The following FOXJ3 variants were observed in gnomAD, a reference collection of about 807,000 sequenced individuals.
FOXJ3 encodes the protein forkhead box protein J3.
FOXJ3 carries 22 observed loss-of-function variants against 76.1 expected under a neutral mutation model. That is an observed-to-expected ratio of 0.29 (90% CI 0.21 to 0.41). The LOEUF (loss-of-function observed/expected upper bound fraction) is 0.41, where lower values mean the gene tolerates loss of function less well. FOXJ3 is among the 10% of genes least tolerant of loss of function. The pLI, the probability that FOXJ3 is intolerant of heterozygous loss-of-function variation, is 1.00. For synonymous variants in FOXJ3, 269 were observed against 261.2 expected, an observed-to-expected ratio of 1.03 and a Z score of -0.29; for missense variants, 613 against 762.1, an observed-to-expected ratio of 0.80 and a Z score of 2.30.
In FOXJ3 at chr1:42,231,944, C is replaced by G. The variant is rs564961142; in HGVS notation, c.445-3978G>C. Among the ~76,000 whole-genome samples the G allele has an allele frequency of 4.1e-3, 629 of 152,252 alleles. 3 individuals carry two copies. The highest frequency in any genetic ancestry group is 0.014 in the African/African-American group (586 of 41,546). On this transcript the variant is annotated intron_variant, in intron 4 of 12. Transcript: ENST00000361346. ...GGTATATCTCCTAATGCTATCCTTC[C>G]CCCCTACCCCCACCCCACAACAGGC...
chr1:42,222,498 G>C lies in FOXJ3; in HGVS notation c.528+5385C>G, dbSNP rs186031701. Among the ~76,000 whole-genome samples the C allele has an allele frequency of 9.8e-5, 15 of 152,290 alleles. No individual in the cohort carries two copies. In the East Asian group the frequency reaches 2.9e-3, roughly 29 times the overall value. On this transcript the variant is annotated intron_variant, in intron 5 of 12. Coordinates refer to ENST00000361346, the MANE Select transcript of FOXJ3 (RefSeq NM_014947.5). ...CCTTATCAGTTTATCTTCCCTGCTT[G>C]AGTGAGGAGAGGGTATGACTGTCTT...
chr1:42,262,715 G>T (rs61014227), intron 4 of FOXJ3, among the ~76,000 whole-genome samples: 37 of 152,210 alleles, frequency 2.4e-4, no homozygotes, highest in South Asian at 8.3e-4. Context: ...CAGGCATGAT[G>T]ATGTACACCG....
intron 11 of FOXJ3, among the ~76,000 whole-genome samples, chr1:42,184,051 C>T (rs1018266887): frequency 6.6e-6 from 1 of 152,114 alleles, no homozygotes; most frequent in Non-Finnish European, 1.5e-5. Flanking sequence ...AACTACAGCT[C>T]TAATACTGGT....
intron 3 of FOXJ3, among the ~76,000 whole-genome samples, chr1:42,267,025 C>T (rs1651516558): frequency 6.6e-6 from 1 of 152,038 alleles, no homozygotes; most frequent in South Asian, 2.1e-4. Context: ...GGATCCTATA[C>T]AGATACCATG....
chr1:42,221,140 T>C (rs552623554), intron 5 of FOXJ3, among the ~76,000 whole-genome samples: 4 of 152,332 alleles, frequency 2.6e-5, no homozygotes, highest in Non-Finnish European at 5.9e-5. Context: ...GCATTCAATC[T>C]ATGGCAAAAT....
At chr1:42,268,558 G>A (rs968001827) in intron 3 of FOXJ3, among the ~76,000 whole-genome samples, 22 of 152,192 alleles carry the variant, frequency 1.4e-4, no homozygotes, top group Admixed American at 1.4e-3. Flanking sequence ...TATTCAGACT[G>A]TAAAATATAA....
chr1:42,293,829 T>A (rs566310866), intron 2 of FOXJ3, among the ~76,000 whole-genome samples: 3 of 152,106 alleles, frequency 2.0e-5, no homozygotes, highest in Admixed American at 2.0e-4. Context: ...TATGTGAGAC[T>A]GGCAAGGTGT....
chr1:42,326,517 G>A (rs1238949358), intron 1 of FOXJ3, among the ~76,000 whole-genome samples: 3 of 152,102 alleles, frequency 2.0e-5, no homozygotes, highest in African/African-American at 7.2e-5. Flanking sequence ...CACTGTGGCA[G>A]TAACCTAGGC....
intron 5 of FOXJ3, among the ~76,000 whole-genome samples, chr1:42,212,602 A>G (rs1431023894): frequency 1.3e-5 from 2 of 152,202 alleles, no homozygotes; most frequent in Non-Finnish European, 2.9e-5. Context: ...GCCAAACCTA[A>G]GAATCATAGG....
intron 2 of FOXJ3, among the ~76,000 whole-genome samples, chr1:42,296,895 T>C (rs983606282): frequency 2.6e-5 from 4 of 152,228 alleles, no homozygotes; most frequent in Admixed American, 1.3e-4. Flanking sequence ...CTTTGAATAG[T>C]ATGGTCATTT....
intron 1 of FOXJ3, among the ~76,000 whole-genome samples, chr1:42,316,333 C>CATTTGTTTTTTTTTTT (rs1322633444): frequency 1.4e-5 from 1 of 73,914 alleles, no homozygotes; most frequent in Non-Finnish European, 2.7e-5. Context: ...TGCATTGGGC[C>CATTTGTTTTTTTTTTT]TTTTTTTTTT....
chr1:42,236,929 T>C (rs1648685572), intron 4 of FOXJ3, among the ~76,000 whole-genome samples: 1 of 152,226 alleles, frequency 6.6e-6, no homozygotes, highest in Non-Finnish European at 1.5e-5. Context: ...CATGTACTTA[T>C]TTGCCACCCA....
chr1:42,189,841 G>C (rs1197134499), intron 9 of FOXJ3: 1 of 157,196 alleles, frequency 6.4e-6, no homozygotes, highest in African/African-American at 2.4e-5. Context: ...GTCTTCTTAT[G>C]ACCTTAAAAA....
At chr1:42,319,670 A>G (rs1438805633) in intron 1 of FOXJ3, among the ~76,000 whole-genome samples, 4 of 152,200 alleles carry the variant, frequency 2.6e-5, no homozygotes, top group Non-Finnish European at 5.9e-5. Context: ...TATGTGAATT[A>G]TATCTCAACA....
At chr1:42,274,539 G>C (rs915541259) in intron 3 of FOXJ3, among the ~76,000 whole-genome samples, 11 of 152,128 alleles carry the variant, frequency 7.2e-5, no homozygotes, top group Non-Finnish European at 1.6e-4. Context: ...CTCTAGCTGA[G>C]AAACTCTACA....
intron 4 of FOXJ3, among the ~76,000 whole-genome samples, chr1:42,231,661 C>A (rs1648127637): frequency 6.6e-6 from 1 of 152,100 alleles, no homozygotes; most frequent in African/African-American, 2.4e-5. Flanking sequence ...CCAAAAAGTA[C>A]CTCTCAGCCG....
At chr1:42,323,317 G>A (rs569021476) in intron 1 of FOXJ3, among the ~76,000 whole-genome samples, 33 of 152,074 alleles carry the variant, frequency 2.2e-4, no homozygotes, top group South Asian at 2.1e-4. Flanking sequence ...AATGATGATC[G>A]GTATTTCTCA....
chr1:42,222,791 T>C (rs898242522), intron 5 of FOXJ3, among the ~76,000 whole-genome samples: 91 of 152,200 alleles, frequency 6.0e-4, no homozygotes, highest in African/African-American at 2.2e-3. Flanking sequence ...AAGTAGGTTT[T>C]GTGTTTTGTT....
chr1:42,177,697 T>TCAC lies in FOXJ3; in HGVS notation c.*2010_*2012dup, dbSNP rs1646239659. 6.6e-6 allele frequency: 1 copy of TCAC among 152,412 alleles called. No homozygotes were observed. The highest frequency in any genetic ancestry group is 2.1e-4 in the South Asian group (1 of 4,806). 9.4% of individuals were successfully genotyped at this position (152,412 alleles called of 1,614,324 possible). A position where few individuals can be genotyped will look rare whatever the true frequency, so the allele number is the denominator to read the frequency against. On this transcript the variant is annotated 3_prime_UTR_variant, in exon 13 of 13. Coordinates refer to ENST00000361346, the MANE Select transcript of FOXJ3 (RefSeq NM_014947.5). Reference sequence around the variant, plus strand: ...TAAAGCTCTTCCTTTCTCCCCAACCTCACCAGCCCTTACCATGGCTGGCTT... The same window carrying TCAC: ...TAAAGCTCTTCCTTTCTCCCCAACCTCACCACCAGCCCTTACCATGGCTGGCTT...
Sources: allele counts gnomAD v4.1 joint callset (sites outside exome capture counted in the v4.1 genomes callset), GRCh38; gene constraint gnomAD v4.1.1; transcripts MANE v1.5; gene names NCBI Gene and HGNC (gene_info 2026-07-23, HGNC 2026-07-21).